The following NR6A1 variants were observed in gnomAD, a reference collection of about 807,000 sequenced individuals.
NR6A1 encodes retinoic acid receptor-related testis-associated receptor.
In NR6A1, 7 loss-of-function variants were observed where a neutral mutation model predicts 59.1. That is an observed-to-expected ratio of 0.12 (90% CI 0.07 to 0.22). The LOEUF is 0.22. Ranked by LOEUF, NR6A1 falls within the 10% of genes least tolerant of loss-of-function variation. NR6A1 has a pLI of 1.00. For missense variants in NR6A1, 468 were observed against 611.6 expected (o/e 0.77, Z 2.48); for synonymous variants, 243 against 236.1 (o/e 1.03, Z -0.27).
At chr9:124,679,967 T>C (rs937953752) in intron 2 of NR6A1, among the ~76,000 whole-genome samples, 2 of 151,952 alleles carry the variant, frequency 1.3e-5, no homozygotes, top group African/African-American at 2.4e-5. Flanking sequence ...TGGATGCCTA[T>C]TGCAACTTCC....
chr9:124,764,796 A>T (rs1261151195), intron 1 of NR6A1, among the ~76,000 whole-genome samples: 1 of 152,224 alleles, frequency 6.6e-6, no homozygotes, highest in African/African-American at 2.4e-5. Flanking sequence ...GTGCAAAGTC[A>T]CTATTCTGGG....
At chr9:124,685,876 G>C (rs1564236805) in intron 2 of NR6A1, among the ~76,000 whole-genome samples, 1 of 152,140 alleles carries the variant, frequency 6.6e-6, no homozygotes, top group Non-Finnish European at 1.5e-5. Flanking sequence ...GCCCAAACTA[G>C]TACAGTATTA....
At chr9:124,582,347 T>C (rs887168429) in intron 2 of NR6A1, among the ~76,000 whole-genome samples, 3 of 152,014 alleles carry the variant, frequency 2.0e-5, no homozygotes, top group Non-Finnish European at 2.9e-5. Flanking sequence ...TTCCCACTTA[T>C]AAGGAGGAGC....
At chr9:124,628,870 G>C (rs1049817213) in intron 2 of NR6A1, among the ~76,000 whole-genome samples, 1 of 152,020 alleles carries the variant, frequency 6.6e-6, no homozygotes, top group Non-Finnish European at 1.5e-5. Flanking sequence ...ATGTTTCCCA[G>C]GCTGGTCTCG....
chr9:124,634,603 C>T (rs976368791), intron 2 of NR6A1, among the ~76,000 whole-genome samples: 1 of 152,094 alleles, frequency 6.6e-6, no homozygotes. Context: ...AGGTGGATCA[C>T]GAGGTCAGGA....
At chr9:124,537,945 A>G (rs765162387) in intron 6 of NR6A1, 147 bp downstream of exon 6, 32 of 624,180 alleles carry the variant, frequency 5.1e-5, no homozygotes, top group Non-Finnish European at 7.8e-5. Context: ...GGTTTCAAAG[A>G]TAAGCACAGA....
At chr9:124,769,851 G>C (rs1215263431) in intron 1 of NR6A1, among the ~76,000 whole-genome samples, 1 of 152,230 alleles carries the variant, frequency 6.6e-6, no homozygotes, top group Non-Finnish European at 1.5e-5. Context: ...AATTGCTCCA[G>C]GGCGCTTTCC....
intron 2 of NR6A1, among the ~76,000 whole-genome samples, chr9:124,588,437 A>G (rs1368035156): frequency 2.0e-5 from 3 of 151,696 alleles, no homozygotes; most frequent in African/African-American, 7.3e-5. Context: ...CCTCCCGAGT[A>G]GCTGGGACTA....
At chr9:124,557,328 T>G (rs1833959641) in intron 2 of NR6A1, among the ~76,000 whole-genome samples, 1 of 151,956 alleles carries the variant, frequency 6.6e-6, no homozygotes, top group Non-Finnish European at 1.5e-5. Flanking sequence ...AGAGATGGGG[T>G]TTCACCATGT....
intron 2 of NR6A1, among the ~76,000 whole-genome samples, chr9:124,601,789 C>T (rs992875414): frequency 4.6e-5 from 7 of 151,536 alleles, no homozygotes; most frequent in Non-Finnish European, 1.0e-4. Context: ...ATAGGGAGAC[C>T]CGTCTCTATA....
chr9:124,729,503 G>C (rs1839823059), intron 2 of NR6A1, among the ~76,000 whole-genome samples: 1 of 152,156 alleles, frequency 6.6e-6, no homozygotes, highest in African/African-American at 2.4e-5. Flanking sequence ...AGGATCACCT[G>C]AGCCCATGAG....
chr9:124,557,296 G>A (rs779710183), intron 2 of NR6A1, among the ~76,000 whole-genome samples: 3 of 151,886 alleles, frequency 2.0e-5, no homozygotes, highest in Non-Finnish European at 2.9e-5. Flanking sequence ...CACCATGCCT[G>A]GCTAATTTTT....
Position 124,691,898 on chromosome 9 carries a change from G to A in NR6A1, c.142+41410C>T, listed in dbSNP as rs182278118. Among the ~76,000 whole-genome samples, 535 of 152,270 alleles carry A rather than the reference G, an allele frequency of 3.5e-3. 3 individuals carry two copies. The highest frequency in any genetic ancestry group is 6.1e-3 in the Non-Finnish European group (418 of 68,022). ...ACAAGTAGAAGAAATTTACATGTTT[G>A]ACTTTGGCTCTGCAGTGATGGGTCT... is the stretch of plus-strand genomic sequence containing the variant. On this transcript the variant is annotated intron_variant, in intron 2 of 9. Transcript: ENST00000487099.
Position 124,642,006 on chromosome 9 carries a change from C to T in NR6A1, c.143-87436G>A, listed in dbSNP as rs559468824. On this transcript the variant is annotated intron_variant, in intron 2 of 9. Coordinates refer to ENST00000487099, the MANE Select transcript of NR6A1 (RefSeq NM_033334.4). ...GCTCAGGCTCTAAGTTTGAACTTGG[C>T]TCTATCACTACCACTTAACAGCTGA... 1.4e-4 allele frequency among the ~76,000 whole-genome samples: 22 copies of T among 152,182 alleles called. No homozygotes were observed. The East Asian group carries it at 3.9e-3, about 27-fold the overall frequency.
chr9:124,624,001 T>C (rs959773310), intron 2 of NR6A1, among the ~76,000 whole-genome samples: 2 of 152,210 alleles, frequency 1.3e-5, no homozygotes, highest in Non-Finnish European at 2.9e-5. Flanking sequence ...TGTAAGTTTA[T>C]TATTCCCATT....
chr9:124,566,347 C>T (rs1432903190), intron 2 of NR6A1, among the ~76,000 whole-genome samples: 1 of 152,158 alleles, frequency 6.6e-6, no homozygotes, highest in Non-Finnish European at 1.5e-5. Context: ...AGTCATTAAG[C>T]TGTACATTTG....
chr9:124,579,826 C>A (rs1261421675), intron 2 of NR6A1, among the ~76,000 whole-genome samples: 1 of 152,008 alleles, frequency 6.6e-6, no homozygotes, highest in Non-Finnish European at 1.5e-5. Flanking sequence ...GCCTGACCAA[C>A]ATGGTGAAAT....
At chr9:124,641,679 CCT>C (rs1022563628) in intron 2 of NR6A1, among the ~76,000 whole-genome samples, 1 of 152,056 alleles carries the variant, frequency 6.6e-6, no homozygotes, top group African/African-American at 2.4e-5. Flanking sequence ...ACAGTGAGAC[CCT>C]GTTTCAAAAA....
At chr9:124,587,635 C>T (rs113236395) in intron 2 of NR6A1, among the ~76,000 whole-genome samples, 5 of 152,320 alleles carry the variant, frequency 3.3e-5, no homozygotes, top group African/African-American at 4.8e-5. Context: ...CAAACACAGA[C>T]GTGTGCATTA....
Sources: gnomAD v4.1 joint callset for allele counts (sites outside exome capture counted in the v4.1 genomes callset) on GRCh38, gnomAD v4.1.1 for gene constraint, MANE v1.5 for transcripts, NCBI Gene and HGNC (gene_info 2026-07-23, HGNC 2026-07-21) for gene names.